TSC22D2: variants seen among roughly 807,000 people sequenced by gnomAD.
TSC22D2 encodes the protein TSC22 domain family member 2, also known as TSC22 domain family protein 2.
In TSC22D2, 5 loss-of-function variants were observed where a neutral mutation model predicts 50.1. The observed-to-expected ratio is 0.10, with a 90% CI of 0.05 to 0.21. The LOEUF (loss-of-function observed/expected upper bound fraction) is 0.21, where lower values mean the gene tolerates loss of function less well. Among genes scored for constraint, TSC22D2 ranks in the 10% least tolerant of loss-of-function variants. The probability of loss-of-function intolerance (pLI) is 1.00; values close to 1 mark genes in which losing one functional copy is unlikely to be tolerated. For missense variants in TSC22D2, 1,003 were observed against 1,015.5 expected, an observed-to-expected ratio of 0.99 and a Z score of 0.17; for synonymous variants, 501 against 450.1, an observed-to-expected ratio of 1.11 and a Z score of -1.43.
At chr3:150,420,392 C>T (rs1244432358) in intron 1 of TSC22D2, among the ~76,000 whole-genome samples, 2 of 152,172 alleles carry the variant, frequency 1.3e-5, no homozygotes. Flanking sequence ...CCCTTAAAAT[C>T]TAGACTGTTT....
In TSC22D2 at chr3:150,458,530, C is replaced by G; in HGVS notation, c.2165C>G (p.Pro722Arg). ...AGCAATGATCAATTATCCCAACTCC[C>G]AACCCAACAGGCCAATCCTGGTAGC... ...LSSNDQLSQLPTQQANPGSTS... is the reference protein window; with the variant it reads ...LSSNDQLSQLRTQQANPGSTS... Residue 722 changes from proline to arginine, a missense_variant, in exon 3 of 3, where the codon CCA becomes CGA. Physicochemically the swap from Pro to Arg is moderately radical, Grantham distance 103. Around this residue, in one of 6 missense-constraint regions of TSC22D2, gnomAD observed 54 missense variants for 51.4 expected, o/e 1.05. Transcript: ENST00000688009. The G allele has an allele frequency of 6.2e-7, 1 of 1,614,166 alleles. No individual in the cohort carries two copies. Among genetic ancestry groups the G allele is most frequent in the Non-Finnish European group, 8.5e-7 (1 of 1,180,016 alleles).
At chr3:150,448,409 A>C (rs1160748628) in intron 1 of TSC22D2, among the ~76,000 whole-genome samples, 1 of 152,116 alleles carries the variant, frequency 6.6e-6, no homozygotes, top group South Asian at 2.1e-4. Context: ...GCTTGAGCCC[A>C]GGAGTTTGAG....
At chr3:150,426,944 A>AC (rs1314479376) in intron 1 of TSC22D2, among the ~76,000 whole-genome samples, 1 of 152,130 alleles carries the variant, frequency 6.6e-6, no homozygotes, top group African/African-American at 2.4e-5. Flanking sequence ...TGTGTAGGGA[A>AC]CGCCTTCCAG....
At position 150,461,438 on chromosome 3, in the gene TSC22D2, AG is replaced by A. The variant is rs1360063172; in HGVS notation, c.*2803del. 1 of 152,224 alleles carries A rather than the reference AG, an allele frequency of 6.6e-6. No homozygotes were observed. The highest frequency in any genetic ancestry group is 2.4e-5 in the African/African-American group (1 of 41,458). The allele number at this position is 152,224 out of a possible 1,614,324, so 9.4% of individuals were successfully genotyped here. A position where few individuals can be genotyped will look rare whatever the true frequency, so the allele number is the denominator to read the frequency against. ...GGAATGCCATCTATCTAATTCTGTCAGTGTAATGCCCATAGAGCAAGGTCCC... is the reference window on the plus strand; with the variant it reads ...GGAATGCCATCTATCTAATTCTGTCATGTAATGCCCATAGAGCAAGGTCCC... On this transcript the variant is annotated 3_prime_UTR_variant, in exon 3 of 3. Coordinates refer to ENST00000688009, the MANE Select transcript of TSC22D2 (RefSeq NM_001303264.2).
chr3:150,422,763 T>C (rs1398397339), intron 1 of TSC22D2, among the ~76,000 whole-genome samples: 1 of 152,236 alleles, frequency 6.6e-6, no homozygotes, highest in Non-Finnish European at 1.5e-5. Context: ...GTCACATTTA[T>C]ATGCACGCAC....
intron 1 of TSC22D2, among the ~76,000 whole-genome samples, chr3:150,417,295 G>T (rs1425445140): frequency 6.6e-6 from 1 of 152,054 alleles, no homozygotes; most frequent in Non-Finnish European, 1.5e-5. Flanking sequence ...CTGAATAAAG[G>T]ATTCCCAAAG....
intron 1 of TSC22D2, among the ~76,000 whole-genome samples, chr3:150,436,100 T>C (rs10513372): frequency 0.15 from 22,623 of 152,142 alleles, 1,870 homozygotes; most frequent in Non-Finnish European, 0.2. Context: ...AATATGACCC[T>C]GTACTTGGTA....
chr3:150,455,016 T>C (rs1331676998), intron 1 of TSC22D2, among the ~76,000 whole-genome samples: 1 of 152,180 alleles, frequency 6.6e-6, no homozygotes, highest in Non-Finnish European at 1.5e-5. Flanking sequence ...TGTTAATACA[T>C]AAAACTGATG....
At position 150,460,789 on chromosome 3, in the gene TSC22D2, A is replaced by G. The variant is rs77557880; in HGVS notation, c.*2153A>G. On this transcript the variant is annotated 3_prime_UTR_variant, in exon 3 of 3. Coordinates refer to ENST00000688009, the MANE Select transcript of TSC22D2 (RefSeq NM_001303264.2). Reference sequence around the variant, plus strand: ...CAGGTGGAGAAAAACTAGTCTTAGAAATGGGATTTTTGTGAAAATAGATTC... The same window carrying G: ...CAGGTGGAGAAAAACTAGTCTTAGAGATGGGATTTTTGTGAAAATAGATTC... The G allele has an allele frequency of 3.3e-5, 3 of 91,514 alleles. No individual in the cohort carries two copies. Among genetic ancestry groups the G allele is most frequent in the African/African-American group, 7.9e-5 (2 of 25,262 alleles). 5.7% of individuals were successfully genotyped at this position (91,514 alleles called of 1,614,324 possible). A position where few individuals can be genotyped will look rare whatever the true frequency, so the allele number is the denominator to read the frequency against.
At position 150,410,159 on chromosome 3, in the gene TSC22D2, G is replaced by A. The variant is rs753337177; in HGVS notation, c.809G>A (p.Ser270Asn). The A allele has an allele frequency of 1.2e-6, 2 of 1,610,650 alleles. No individual in the cohort carries two copies. Among genetic ancestry groups the A allele is most frequent in the Middle Eastern group, 3.3e-4 (2 of 6,054 alleles). Residue 270 changes from serine to asparagine, a missense_variant, in exon 1 of 3, where the codon AGC becomes AAC. Transcript: ENST00000688009. ...ACTCCGGCCCAGCCGCAGAGTTTTAGCGTTGGGCAGCCACAGCCGCCGCCG... is the reference window on the plus strand; with the variant it reads ...ACTCCGGCCCAGCCGCAGAGTTTTAACGTTGGGCAGCCACAGCCGCCGCCG... ...QPTPAQPQSF[S>N]VGQPQPPPPP...
At chr3:150,444,839 ATAG>A (rs963446511) in intron 1 of TSC22D2, among the ~76,000 whole-genome samples, 2 of 152,200 alleles carry the variant, frequency 1.3e-5, no homozygotes, top group African/African-American at 4.8e-5. Flanking sequence ...TTTAGATTTT[ATAG>A]TAGTGCTATT....
At chr3:150,458,237 C>A in intron 2 of TSC22D2, 139 bp from the exon 3 acceptor site, 1 of 880,630 alleles carries the variant, frequency 1.1e-6, no homozygotes, top group Non-Finnish European at 1.7e-6. Context: ...CTTCCATAGG[C>A]TCGGTCAAGA....
At chr3:150,423,109 C>CCT (rs1720070029) in intron 1 of TSC22D2, 1 of 1,612,238 alleles carries the variant, frequency 6.2e-7, no homozygotes. Flanking sequence ...AATCAAAGAG[C>CCT]CTCTGGGATA....
chr3:150,409,740 CCCCGGAGCA>C lies in TSC22D2; in HGVS notation c.396_404del (p.Ala133_Gly135del), dbSNP rs1247512285. The stretch of plus-strand genomic sequence containing the variant: ...CGGCGGCTGCCACTTCGGCCCCCGC[CCCCGGAGCA>C]CCCGGCGGCCCCCAGCTCGCGGGCT... On this transcript the variant is annotated inframe_deletion, in exon 1 of 3. Transcript: ENST00000688009. The surrounding 1 kb of genome is among the most constrained non-coding windows in gnomAD (Gnocchi z 7.4). 4 of 1,601,240 alleles carry C rather than the reference CCCCGGAGCA, an allele frequency of 2.5e-6. No individual in the cohort carries two copies. In the African/African-American group the frequency reaches 5.4e-5, roughly 21 times the overall value.
rs749107457 is a variant in TSC22D2 at position 150,409,968 on chromosome 3, T to C, written c.618T>C (p.Ser206=). ...TRSGDCIRHS[S]TFDQTAERDS... ...CCGGGGATTGCATTAGACACAGCAGTACTTTTGACCAGACTGCGGAGCGGG... is the reference window on the plus strand; with the variant it reads ...CCGGGGATTGCATTAGACACAGCAGCACTTTTGACCAGACTGCGGAGCGGG... Residue 206 remains serine (S), a synonymous_variant, in exon 1 of 3, where the codon AGT becomes AGC. Coordinates refer to ENST00000688009, the MANE Select transcript of TSC22D2 (RefSeq NM_001303264.2). The surrounding 1 kb of genome is among the most constrained non-coding windows in gnomAD (Gnocchi z 7.4). 93 of 1,613,764 alleles carry C rather than the reference T, an allele frequency of 5.8e-5. 2 individuals are homozygous for C. Among genetic ancestry groups the C allele is most frequent in the South Asian group, 4.6e-4 (42 of 91,090 alleles).
intron 1 of TSC22D2, among the ~76,000 whole-genome samples, chr3:150,434,792 G>A (rs1720484114): frequency 6.6e-6 from 1 of 151,932 alleles, no homozygotes; most frequent in African/African-American, 2.4e-5. Flanking sequence ...CTTTATATAT[G>A]TGTATATACA....
chr3:150,444,046 G>A (rs1029855216), intron 1 of TSC22D2, among the ~76,000 whole-genome samples: 4 of 147,454 alleles, frequency 2.7e-5, no homozygotes, highest in Admixed American at 6.6e-5. Context: ...ACTTGAACCC[G>A]TTTTTCTATT....
At chr3:150,443,164 T>C (rs1444938450) in intron 1 of TSC22D2, among the ~76,000 whole-genome samples, 1 of 152,238 alleles carries the variant, frequency 6.6e-6, no homozygotes, top group Non-Finnish European at 1.5e-5. Flanking sequence ...CCTCCAGTGA[T>C]GTCTTACTTT....
At position 150,454,311 on chromosome 3, in the gene TSC22D2, T is replaced by C. The variant is rs1191541726; in HGVS notation, c.1959-2765T>C. Among the ~76,000 whole-genome samples, 6 of 152,280 alleles carry C rather than the reference T, an allele frequency of 3.9e-5. No homozygotes were observed. The East Asian group carries it at 1.2e-3, about 29-fold the overall frequency. ...CCGAGAGAACATATGTTCCACAGAC[T>C]ACAAATAGTTGTATAAGACCATAAC... On this transcript the variant is annotated intron_variant, in intron 1 of 2. Transcript: ENST00000688009.
Sources: allele counts gnomAD v4.1 joint callset (sites outside exome capture counted in the v4.1 genomes callset), GRCh38; gene constraint gnomAD v4.1.1; regional missense constraint gnomAD v4.1.1; non-coding constraint Gnocchi (gnomAD v3.1); transcripts MANE v1.5; gene names NCBI Gene and HGNC (gene_info 2026-07-23, HGNC 2026-07-21).